The following MTUS2 variants were observed in gnomAD, a reference collection of about 807,000 sequenced individuals.
MTUS2 encodes the protein microtubule-associated tumor suppressor candidate 2.
MTUS2 carries 40 observed loss-of-function variants against 114.1 expected under a neutral mutation model. The ratio of observed to expected loss-of-function variants is 0.35; its 90% CI spans 0.27 to 0.46. The LOEUF is 0.46. Among genes scored for constraint, MTUS2 ranks in the 20% least tolerant of loss-of-function variants. MTUS2 has a pLI of 1.00. For missense variants in MTUS2, 1,679 were observed against 1,705.4 expected, an observed-to-expected ratio of 0.98 and a Z score of 0.27; for synonymous variants, 688 against 672.0, an observed-to-expected ratio of 1.02 and a Z score of -0.37.
In MTUS2 at chr13:29,129,564, T is replaced by A. The variant is rs1022333486; in HGVS notation, c.2644+28594T>A. ...TTTCAAACTTATTTTTACTTTGTAGTTTTTTTTATTGATATATTTGTTCAT... is the reference window on the plus strand; with the variant it reads ...TTTCAAACTTATTTTTACTTTGTAGATTTTTTTATTGATATATTTGTTCAT... On this transcript the variant is annotated intron_variant, in intron 5 of 15. Transcript: ENST00000612955. 4.5e-4 allele frequency among the ~76,000 whole-genome samples: 29 copies of A among 63,870 alleles called. No individual in the cohort carries two copies. In the Admixed American group the frequency reaches 4.6e-3, roughly 10 times the overall value. 41.9% of individuals were successfully genotyped at this position (63,870 alleles called of 152,430 possible). A position where few individuals can be genotyped will look rare whatever the true frequency, so the allele number is the denominator to read the frequency against.
At chr13:29,309,110 T>TA (rs1380087426) in intron 6 of MTUS2, among the ~76,000 whole-genome samples, 5 of 152,194 alleles carry the variant, frequency 3.3e-5, no homozygotes, top group Admixed American at 2.0e-4. Flanking sequence ...CATTCTATTA[T>TA]AAAGATACAT....
At chr13:29,484,806 A>G (rs1420249056) in intron 10 of MTUS2, 2 of 152,236 alleles carry the variant, frequency 1.3e-5, no homozygotes, top group African/African-American at 4.8e-5. Context: ...TGACTTGCCA[A>G]AGCCCTAGAT....
At chr13:29,436,578 T>C (rs1566199097) in intron 8 of MTUS2, among the ~76,000 whole-genome samples, 1 of 152,214 alleles carries the variant, frequency 6.6e-6, no homozygotes, top group Non-Finnish European at 1.5e-5. Flanking sequence ...TTGTTGCTTA[T>C]TTTGGCAGCC....
chr13:29,488,321 T>C (rs1881787220), intron 11 of MTUS2, among the ~76,000 whole-genome samples: 1 of 152,086 alleles, frequency 6.6e-6, no homozygotes, highest in Admixed American at 6.6e-5. Flanking sequence ...CCTTGGTCCA[T>C]AGTGCAGTGT....
At chr13:29,285,617 T>G (rs1898448372) in intron 6 of MTUS2, among the ~76,000 whole-genome samples, 2 of 152,138 alleles carry the variant, frequency 1.3e-5, no homozygotes, top group African/African-American at 4.8e-5. Context: ...AAAAACACCA[T>G]GAGGATTGAA....
intron 5 of MTUS2, among the ~76,000 whole-genome samples, chr13:29,127,389 T>C (rs932390163): frequency 6.6e-6 from 1 of 152,190 alleles, no homozygotes; most frequent in African/African-American, 2.4e-5. Context: ...TGGAGGTATG[T>C]TGTAGATGTC....
Position 29,110,312 on chromosome 13 carries a change from A to G in MTUS2, c.2644+9342A>G, listed in dbSNP as rs2138859785. Among the ~76,000 whole-genome samples, 5 of 152,350 alleles carry G rather than the reference A, an allele frequency of 3.3e-5. 1 individual carries two copies. In the South Asian group the frequency reaches 1.0e-3, roughly 32 times the overall value. ...GAACATTTGATTTCACAGTACTTAAAGGGCTTTGCACAGCTTCTCATTTTG... is the reference window on the plus strand; with the variant it reads ...GAACATTTGATTTCACAGTACTTAAGGGGCTTTGCACAGCTTCTCATTTTG... On this transcript the variant is annotated intron_variant, in intron 5 of 15. Coordinates refer to ENST00000612955, the MANE Select transcript of MTUS2 (RefSeq NM_001033602.4).
chr13:28,963,956 C>T (rs992846918), intron 2 of MTUS2, among the ~76,000 whole-genome samples: 1 of 152,182 alleles, frequency 6.6e-6, no homozygotes, highest in Non-Finnish European at 1.5e-5. Context: ...GTTAGATTGT[C>T]CTGCAGCTCA....
intron 5 of MTUS2, among the ~76,000 whole-genome samples, chr13:29,237,662 C>G (rs1246253391): frequency 4.6e-5 from 7 of 152,174 alleles, no homozygotes; most frequent in Non-Finnish European, 8.8e-5. Flanking sequence ...CTTCGATTCT[C>G]TCTTGACTTT....
rs140524546 is a variant in MTUS2, at chr13:29,359,074, A to T, written c.2906-188A>T. 1.2e-4 allele frequency among the ~76,000 whole-genome samples: 19 copies of T among 152,274 alleles called. No homozygotes were observed. In the East Asian group the frequency reaches 3.7e-3, roughly 29 times the overall value. ...TTCCAAGCACGAAACCTTGCACTTA[A>T]CAACCACATTAATGGAACAATAATT... On this transcript the variant is annotated intron_variant, in intron 7 of 15. Coordinates refer to ENST00000612955, the MANE Select transcript of MTUS2 (RefSeq NM_001033602.4).
chr13:28,996,929 T>C (rs1043853850), intron 2 of MTUS2, among the ~76,000 whole-genome samples: 4 of 152,216 alleles, frequency 2.6e-5, no homozygotes, highest in Non-Finnish European at 5.9e-5. Context: ...AGTTATTTCT[T>C]GCCTTCTGCT....
rs531266800 is a variant in MTUS2 at position 28,948,770 on chromosome 13, G to C, written c.-242-75687G>C. 2.6e-5 allele frequency among the ~76,000 whole-genome samples: 4 copies of C among 152,250 alleles called. No individual in the cohort carries two copies. In the East Asian group the frequency reaches 7.7e-4, roughly 29 times the overall value. On this transcript the variant is annotated intron_variant, in intron 2 of 15. Coordinates refer to ENST00000612955, the MANE Select transcript of MTUS2 (RefSeq NM_001033602.4). ...TGTGGCAGCAGGGGAACAGGGGTGG[G>C]GAAAGGAAACAGCATGTCTTGGGCC...
chr13:29,442,566 T>C (rs147795337), intron 9 of MTUS2, among the ~76,000 whole-genome samples: 16 of 152,166 alleles, frequency 1.1e-4, no homozygotes, highest in Non-Finnish European at 1.9e-4. Flanking sequence ...AGATATGATA[T>C]CATGAAAGGG....
At chr13:29,130,661 C>G (rs947150820) in intron 5 of MTUS2, among the ~76,000 whole-genome samples, 10 of 152,096 alleles carry the variant, frequency 6.6e-5, no homozygotes, top group African/African-American at 2.2e-4. Flanking sequence ...GAGCCTTGCT[C>G]TGTTGCCAGG....
At chr13:29,192,986 C>T (rs1248400235) in intron 5 of MTUS2, among the ~76,000 whole-genome samples, 1 of 152,122 alleles carries the variant, frequency 6.6e-6, no homozygotes, top group Non-Finnish European at 1.5e-5. Flanking sequence ...AAGGGGAGGA[C>T]TCCAAACAAT....
chr13:29,488,056 G>A, intron 11 of MTUS2, 51 bp downstream of exon 11: 3 of 1,396,952 alleles, frequency 2.1e-6, no homozygotes, highest in Non-Finnish European at 3.0e-6. Context: ...TGCAATCCGA[G>A]CCTTTCCTGC....
chr13:29,352,275 G>A (rs1472979340), intron 7 of MTUS2, among the ~76,000 whole-genome samples: 1 of 152,228 alleles, frequency 6.6e-6, no homozygotes, highest in East Asian at 1.9e-4. Flanking sequence ...GAAGGTGAGT[G>A]ATGATGCATG....
intron 1 of MTUS2, among the ~76,000 whole-genome samples, chr13:28,826,299 A>G (rs968963708): frequency 7.2e-5 from 11 of 152,216 alleles, no homozygotes. Flanking sequence ...ATAGATAAAA[A>G]ATGATTACTT....
chr13:28,965,412 G>T (rs1351817425), intron 2 of MTUS2, among the ~76,000 whole-genome samples: 2 of 152,160 alleles, frequency 1.3e-5, no homozygotes, highest in African/African-American at 2.4e-5. Flanking sequence ...TTTTAGGTGT[G>T]CAGTGATTCC....
Sources: gnomAD v4.1 joint callset for allele counts (sites outside exome capture counted in the v4.1 genomes callset) on GRCh38, gnomAD v4.1.1 for gene constraint, MANE v1.5 for transcripts, NCBI Gene and HGNC (gene_info 2026-07-23, HGNC 2026-07-21) for gene names.